DCDC2: variants seen among roughly 807,000 people sequenced by gnomAD.
The protein encoded by DCDC2 is doublecortin domain-containing protein 2.
In DCDC2, 40 loss-of-function variants were observed where a neutral mutation model predicts 50.2. That is an observed-to-expected ratio of 0.80 (90% confidence interval 0.62 to 1.04). The LOEUF is 1.04. DCDC2 is among the 50% of genes least tolerant of loss of function. DCDC2 has a pLI of 0.00. For missense variants in DCDC2, 570 were observed against 581.9 expected, an observed-to-expected ratio of 0.98 and a Z score of 0.21; for synonymous variants, 234 against 210.6, an observed-to-expected ratio of 1.11 and a Z score of -0.96.
rs148037466 is a variant in DCDC2 at position 24,275,532 on chromosome 6, G to C, written c.922+2517C>G. 2.1e-3 allele frequency among the ~76,000 whole-genome samples: 325 copies of C among 152,254 alleles called. 3 individuals are homozygous for C. Among genetic ancestry groups the C allele is most frequent in the Non-Finnish European group, 4.2e-3 (289 of 68,002 alleles). On this transcript the variant is annotated intron_variant, in intron 7 of 9. Transcript: ENST00000378454. Reference sequence around the variant, plus strand: ...GCTTCTAGATCAGTGGTACAAGCCAGTTAGTGAAGGAAAAAAAAATTCATT... The same window carrying C: ...GCTTCTAGATCAGTGGTACAAGCCACTTAGTGAAGGAAAAAAAAATTCATT...
At chr6:24,189,550 T>G (rs1761271819) in intron 8 of DCDC2, among the ~76,000 whole-genome samples, 1 of 152,178 alleles carries the variant, frequency 6.6e-6, no homozygotes, top group African/African-American at 2.4e-5. Flanking sequence ...TCCAGCCCAC[T>G]TTAGCAGTAA....
intron 2 of DCDC2, among the ~76,000 whole-genome samples, chr6:24,306,859 G>T (rs542441172): frequency 6.6e-6 from 1 of 152,066 alleles, no homozygotes; most frequent in East Asian, 1.9e-4. Flanking sequence ...ATCACAGCTG[G>T]GTCAACATTC....
At chr6:24,284,856 C>G (rs778697743) in intron 6 of DCDC2, among the ~76,000 whole-genome samples, 2 of 152,042 alleles carry the variant, frequency 1.3e-5, no homozygotes, top group African/African-American at 2.4e-5. Flanking sequence ...CGGCCTCATC[C>G]CTGGCACAAT....
chr6:24,353,739 C>T (rs766040291), intron 1 of DCDC2, 116 bp from the exon 2 acceptor site: 9 of 597,890 alleles, frequency 1.5e-5, no homozygotes, highest in Non-Finnish European at 2.2e-5. Context: ...AACCTTAAAG[C>T]AAAAACAAAT....
chr6:24,246,671 G>A (rs1317961239), intron 7 of DCDC2, among the ~76,000 whole-genome samples: 1 of 151,658 alleles, frequency 6.6e-6, no homozygotes, highest in African/African-American at 2.4e-5. Flanking sequence ...ATTTTTAGTA[G>A]AGACAGGGTT....
At chr6:24,201,741 T>G (rs149576816) in intron 8 of DCDC2, among the ~76,000 whole-genome samples, 571 of 152,066 alleles carry the variant, frequency 3.8e-3, no homozygotes, top group Non-Finnish European at 5.1e-3. Flanking sequence ...ATTAACAAAA[T>G]AGACCACTAG....
chr6:24,334,097 A>G (rs1760014451), intron 2 of DCDC2, among the ~76,000 whole-genome samples: 2 of 152,230 alleles, frequency 1.3e-5, no homozygotes, highest in South Asian at 4.1e-4. Context: ...ATTCTGAAGC[A>G]TGATTAGTGG....
At chr6:24,358,921 T>TAATATATTATATATTA (rs1760558766), upstream of DCDC2, among the ~76,000 whole-genome samples, 1 of 26,292 alleles carries the variant, frequency 3.8e-5, no homozygotes, top group African/African-American at 2.8e-4. Context: ...ATTATATATA[T>TAATATATTATATATTA]TATATATTAT....
intron 6 of DCDC2, among the ~76,000 whole-genome samples, chr6:24,287,636 T>C (rs544645071): frequency 6.6e-6 from 1 of 152,356 alleles, no homozygotes; most frequent in East Asian, 1.9e-4. Context: ...CTTCTTCGCA[T>C]GCCCACGTCT....
chr6:24,366,284 A>C, the DCDC2 span, among the ~76,000 whole-genome samples: 1 of 152,254 alleles, frequency 6.6e-6, no homozygotes, highest in African/African-American at 2.4e-5. Flanking sequence ...GTTTATCTTC[A>C]AATTCTACAT....
At chr6:24,381,506 G>A in the DCDC2 span, among the ~76,000 whole-genome samples, 8 of 152,224 alleles carry the variant, frequency 5.3e-5, no homozygotes, top group Non-Finnish European at 1.0e-4. Context: ...TTAAGATGCT[G>A]CTAAGCTGGC....
At chr6:24,227,149 G>T (rs1762445855) in intron 7 of DCDC2, among the ~76,000 whole-genome samples, 1 of 152,160 alleles carries the variant, frequency 6.6e-6, no homozygotes, top group African/African-American at 2.4e-5. Context: ...TTGAGAAGAT[G>T]GCAGTGTACC....
chr6:24,381,916 GAGAGAA>G, the DCDC2 span, among the ~76,000 whole-genome samples: 5 of 137,086 alleles, frequency 3.6e-5, no homozygotes, highest in African/African-American at 1.4e-4. Context: ...AGAAAGAAAA[GAGAGAA>G]AGAGAAAGAA....
intron 7 of DCDC2, among the ~76,000 whole-genome samples, chr6:24,210,895 C>A (rs982074370): frequency 2.0e-5 from 3 of 152,078 alleles, no homozygotes; most frequent in Non-Finnish European, 4.4e-5. Context: ...GCTCCACTGA[C>A]CTTCATTCTG....
In DCDC2 at chr6:24,206,076, T is replaced by C. The variant is rs538097106; in HGVS notation, c.923-974A>G. 7.2e-5 allele frequency among the ~76,000 whole-genome samples: 11 copies of C among 152,332 alleles called. No individual in the cohort carries two copies. In the East Asian group the frequency reaches 1.9e-3, roughly 27 times the overall value. On this transcript the variant is annotated intron_variant, in intron 7 of 9. Coordinates refer to ENST00000378454, the MANE Select transcript of DCDC2 (RefSeq NM_016356.5). ...TAATGGAAGCTTATTTCCCAGAGCA[T>C]AATTATTTAACCTATTTTATCTAAT...
intron 8 of DCDC2, among the ~76,000 whole-genome samples, chr6:24,179,547 C>CAAAAAAAAAA (rs56731018): frequency 1.2e-4 from 6 of 49,574 alleles, no homozygotes; most frequent in Admixed American, 3.6e-4. Flanking sequence ...GACACCATCT[C>CAAAAAAAAAA]AAAAAAAAAA....
At chr6:24,353,471 C>T (rs1581667290) in intron 2 of DCDC2, 98 bp downstream of exon 2, 1 of 721,662 alleles carries the variant, frequency 1.4e-6, no homozygotes, top group South Asian at 1.6e-5. Context: ...CATTAGAGAA[C>T]TCATCAAAGT....
intron 8 of DCDC2, among the ~76,000 whole-genome samples, chr6:24,202,492 A>G (rs899221315): frequency 1.3e-5 from 2 of 152,230 alleles, no homozygotes; most frequent in Non-Finnish European, 2.9e-5. Context: ...TCAAAATAGT[A>G]AGAGCTATTT....
chr6:24,341,377 G>C (rs932768175), intron 2 of DCDC2, among the ~76,000 whole-genome samples: 2 of 152,130 alleles, frequency 1.3e-5, no homozygotes, highest in South Asian at 2.1e-4. Context: ...ATCTGAGTTT[G>C]ATCTGGCTGG....
Sources: allele counts gnomAD v4.1 joint callset (sites outside exome capture counted in the v4.1 genomes callset), GRCh38; gene constraint gnomAD v4.1.1; transcripts MANE v1.5; gene names NCBI Gene and HGNC (gene_info 2026-07-23, HGNC 2026-07-21).